The following C13orf42 variants were observed in gnomAD, a reference collection of about 807,000 sequenced individuals.
C13orf42 encodes chromosome 13 open reading frame 42.
chr13:51,095,382 T>A (rs1212024290), intron 1 of C13orf42, among the ~76,000 whole-genome samples: 7 of 152,156 alleles, frequency 4.6e-5, no homozygotes, highest in Admixed American at 1.3e-4. Context: ...ATGTCATTAA[T>A]TTGGGGGAAA....
chr13:51,134,256 C>T (rs75896619), intron 1 of C13orf42, among the ~76,000 whole-genome samples: 1,749 of 152,314 alleles, frequency 0.011, 13 homozygotes, highest in Non-Finnish European at 0.014. Context: ...AACTCACTCA[C>T]TCAGGGTTCA....
upstream of C13orf42, among the ~76,000 whole-genome samples, chr13:51,111,973 G>A (rs959952): frequency 0.28 from 42,927 of 152,152 alleles, 6,791 homozygotes; most frequent in Non-Finnish European, 0.37. Flanking sequence ...TTTTTGCACA[G>A]AAGCATCAGT....
chr13:51,137,463 C>T (rs775844432), intron 1 of C13orf42, among the ~76,000 whole-genome samples: 30 of 152,196 alleles, frequency 2.0e-4, no homozygotes, highest in South Asian at 1.7e-3. Flanking sequence ...CTATGCTGTC[C>T]CTCCCTGAAG....
At chr13:51,145,787 G>C (rs1455382258) in intron 1 of C13orf42, among the ~76,000 whole-genome samples, 1 of 151,966 alleles carries the variant, frequency 6.6e-6, no homozygotes, top group Non-Finnish European at 1.5e-5. Context: ...CAGTCTTCCT[G>C]CCTTTGCTTC....
chr13:51,121,078 T>C (rs1953531229), intron 1 of C13orf42, among the ~76,000 whole-genome samples: 1 of 152,176 alleles, frequency 6.6e-6, no homozygotes, highest in African/African-American at 2.4e-5. Context: ...GGTTGGGTTT[T>C]AAGGGTTCTC....
chr13:51,155,443 A>C (rs1487678404), intron 1 of C13orf42, among the ~76,000 whole-genome samples: 1 of 152,256 alleles, frequency 6.6e-6, no homozygotes, highest in African/African-American at 2.4e-5. Flanking sequence ...TGTTCCTTGA[A>C]TTACTCAGTC....
At chr13:51,144,977 A>G (rs770894808) in intron 1 of C13orf42, among the ~76,000 whole-genome samples, 1 of 152,260 alleles carries the variant, frequency 6.6e-6, no homozygotes, top group Non-Finnish European at 1.5e-5. Flanking sequence ...TAAAATGGGA[A>G]ACTGGAGAGA....
At chr13:51,149,523 T>C (rs1953763971) in intron 1 of C13orf42, among the ~76,000 whole-genome samples, 1 of 152,116 alleles carries the variant, frequency 6.6e-6, no homozygotes, top group South Asian at 2.1e-4. Flanking sequence ...GCCAGAAGCA[T>C]TGACCCTGGA....
chr13:51,107,091 A>C (rs1343553506), intron 1 of C13orf42, among the ~76,000 whole-genome samples: 1 of 152,114 alleles, frequency 6.6e-6, no homozygotes, highest in East Asian at 1.9e-4. Context: ...CCTCGCTTCT[A>C]GTGTGTCCTG....
chr13:51,099,170 G>T (rs1477798272), intron 1 of C13orf42, among the ~76,000 whole-genome samples: 1 of 152,060 alleles, frequency 6.6e-6, no homozygotes, highest in East Asian at 1.9e-4. Flanking sequence ...CAGGACCAAG[G>T]CAAAAGTGAT....
rs1245601128 is a variant in C13orf42 at position 51,171,923 on chromosome 13, T to C, written n.136+330A>G. 2.0e-5 allele frequency: 3 copies of C among 152,124 alleles called. No homozygotes were observed. In the East Asian group the frequency reaches 5.8e-4, roughly 29 times the overall value. The allele number at this position is 152,124 out of a possible 1,614,324, so 9.4% of individuals were successfully genotyped here. ...TTATTACCCAATCTGCTCCCGATATTAAATAAAACTCCAAAAATTAAATTC... is the reference window on the plus strand; with the variant it reads ...TTATTACCCAATCTGCTCCCGATATCAAATAAAACTCCAAAAATTAAATTC... On this transcript the variant is annotated intron_variant and non_coding_transcript_variant, in intron 1 of 4. Coordinates refer to the C13orf42 transcript ENST00000433280.
chr13:51,166,647 T>C (rs1367465710), intron 1 of C13orf42, among the ~76,000 whole-genome samples: 2 of 151,688 alleles, frequency 1.3e-5, no homozygotes, highest in African/African-American at 4.8e-5. Flanking sequence ...AACACTGTTC[T>C]TTCCGGTACA....
intron 1 of C13orf42, among the ~76,000 whole-genome samples, chr13:51,164,855 G>A (rs535837737): frequency 6.6e-6 from 1 of 152,210 alleles, no homozygotes; most frequent in African/African-American, 2.4e-5. Context: ...CTGAGATCAG[G>A]AAAGATGTGG....
chr13:51,130,974 T>C (rs1210694403), intron 1 of C13orf42, among the ~76,000 whole-genome samples: 3 of 152,086 alleles, frequency 2.0e-5, no homozygotes, highest in Non-Finnish European at 4.4e-5. Flanking sequence ...GAACAAGTTG[T>C]AGAAGGTTTG....
intron 1 of C13orf42, chr13:51,161,944 C>T: frequency 2.0e-6 from 1 of 488,994 alleles, no homozygotes; most frequent in Admixed American, 2.1e-5. Flanking sequence ...CAGTGCTTCC[C>T]ACGTTGTATT....
chr13:51,084,558 T>G (rs1566121153), intron 3 of C13orf42, among the ~76,000 whole-genome samples: 1 of 152,200 alleles, frequency 6.6e-6, no homozygotes. Context: ...GTGATTTTAA[T>G]ATGTCCAGTG....
chr13:51,085,797 C>G (rs953080208), intron 2 of C13orf42, among the ~76,000 whole-genome samples: 1 of 152,250 alleles, frequency 6.6e-6, no homozygotes, highest in African/African-American at 2.4e-5. Flanking sequence ...CGCCTGTAAT[C>G]CCAGCACTTT....
chr13:51,117,228 T>C (rs1225381164), intron 1 of C13orf42, among the ~76,000 whole-genome samples: 1 of 152,238 alleles, frequency 6.6e-6, no homozygotes, highest in Non-Finnish European at 1.5e-5. Flanking sequence ...GCTTTGAGAA[T>C]ACTATATATC....
At chr13:51,085,022 G>A (rs961283944) in intron 3 of C13orf42, among the ~76,000 whole-genome samples, 5 of 151,988 alleles carry the variant, frequency 3.3e-5, no homozygotes, top group African/African-American at 4.8e-5. Flanking sequence ...GCACTGGGGG[G>A]AAATCCATGA....
Sources: gnomAD v4.1 joint callset for allele counts (sites outside exome capture counted in the v4.1 genomes callset) on GRCh38, gnomAD v4.1.1 for gene constraint, MANE v1.5 for transcripts, NCBI Gene and HGNC (gene_info 2026-07-23, HGNC 2026-07-21) for gene names.